The following GP2 variants were observed in gnomAD, a reference collection of about 807,000 sequenced individuals.
GP2 encodes pancreatic secretory granule membrane major glycoprotein GP2.
Under a neutral mutation model 60.8 loss-of-function variants are expected in GP2, and 58 were observed. That is an observed-to-expected ratio of 0.95 (90% CI 0.77 to 1.19). GP2 has a LOEUF of 1.19. Ranked by LOEUF, GP2 falls within the 50% of genes most tolerant of loss-of-function variation. The probability of loss-of-function intolerance (pLI) is 0.00; values close to 1 mark genes in which losing one functional copy is unlikely to be tolerated. For synonymous variants in GP2, 280 were observed against 253.4 expected (o/e 1.10, Z -1.00); for missense variants, 647 against 667.4 (o/e 0.97, Z 0.34).
At chr16:20,317,167 G>A (rs1265602749) in intron 8 of GP2, 46 bp downstream of exon 8, 1 of 1,074,114 alleles carries the variant, frequency 9.3e-7, no homozygotes, top group Non-Finnish European at 1.2e-6. Flanking sequence ...TCAGGTACCA[G>A]GCTCCATGCC....
rs1270691698 is a variant in GP2, at chr16:20,324,006, T to A, written c.345A>T (p.Thr115=). The A allele has an allele frequency of 1.2e-5, 19 of 1,614,172 alleles. No individual in the cohort carries two copies. The highest frequency in any genetic ancestry group is 1.4e-5 in the Non-Finnish European group (17 of 1,179,970). Residue 115 remains threonine, a synonymous_variant, in exon 3 of 11, where the codon ACA becomes ACT. Transcript: ENST00000302555. ...ETCVQVHRCQ[T]DAPMWLNGTH... The stretch of plus-strand genomic sequence containing the variant: ...TCCCATTCAGCCACATGGGAGCGTC[T>A]GTCTGGCATCGGTGCACCTGGACAC...
Position 20,320,474 on chromosome 16 carries a change from C to G in GP2, c.647-1G>C. The G allele has an allele frequency of 6.2e-7, 1 of 1,608,222 alleles. No individual in the cohort carries two copies. Among genetic ancestry groups the G allele is most frequent in the East Asian group, 2.2e-5 (1 of 44,824 alleles). ...AGCTGAGGCTGCAAACTGTGGACAT[C>G]TGCAAAGCAGAGATGAAGGCAAGTA... On this transcript the variant is annotated splice_acceptor_variant, in intron 4 of 10. Coordinates refer to ENST00000302555, the MANE Select transcript of GP2 (RefSeq NM_001502.4). LOFTEE classifies it high-confidence loss of function.
At chr16:20,320,173 G>C in intron 5 of GP2, 89 bp downstream of exon 5, 1 of 960,386 alleles carries the variant, frequency 1.0e-6, no homozygotes, top group South Asian at 1.4e-5. Context: ...GGGAAGCTAA[G>C]TGGCTTGTCC....
chr16:20,325,625 T>C (rs950608961), intron 2 of GP2, among the ~76,000 whole-genome samples: 25 of 152,202 alleles, frequency 1.6e-4, no homozygotes, highest in African/African-American at 6.0e-4. Context: ...TTCTATTTTG[T>C]TGAATGCTGT....
chr16:20,320,277 G>A lies in GP2; in HGVS notation c.843C>T (p.Cys281=). The A allele has an allele frequency of 6.2e-7, 1 of 1,612,630 alleles. No homozygotes were observed. Among genetic ancestry groups the A allele is most frequent in the Non-Finnish European group, 8.5e-7 (1 of 1,178,608 alleles). The part of the protein sequence containing the change: ...SVTSPVQASA[C]RNILERNQTH... ...AGCCACTTACCTCCAGAATGTTCCT[G>A]CAGGCACTAGCCTGGACGGGGCTGG... is the stretch of plus-strand genomic sequence containing the variant. The change falls in exon 5 of 11, where the codon TGC becomes TGT. Residue 281 remains cysteine (C), a synonymous_variant. Coordinates refer to ENST00000302555, the MANE Select transcript of GP2 (RefSeq NM_001502.4).
In GP2 at chr16:20,323,893, A is replaced by G. The variant is rs1359780178; in HGVS notation, c.458T>C (p.Leu153Pro). ...GNCCFWKTEV[L>P]VKACPGGYHV... ...GTACCCGCCTGGGCAGGCCTTCACCAGCACCTCTGTTTTCCAGAAACAGCA... is the reference window on the plus strand; with the variant it reads ...GTACCCGCCTGGGCAGGCCTTCACCGGCACCTCTGTTTTCCAGAAACAGCA... The change falls in exon 3 of 11, where the codon CTG (leucine) becomes CCG (proline). Residue 153 changes from leucine (L) to proline (P), a missense_variant. Leu to Pro is a moderately conservative substitution (Grantham distance 98). Transcript: ENST00000302555. 1.2e-6 allele frequency: 2 copies of G among 1,613,990 alleles called. No homozygotes were observed. Among genetic ancestry groups the G allele is most frequent in the Non-Finnish European group, 1.7e-6 (2 of 1,179,980 alleles).
chr16:20,321,056 T>C (rs1293429420), intron 4 of GP2, among the ~76,000 whole-genome samples: 2 of 151,544 alleles, frequency 1.3e-5, no homozygotes, highest in African/African-American at 4.8e-5. Flanking sequence ...TCTCTCTTTT[T>C]TTTTTTTTTT....
chr16:20,314,817 T>C (rs781033288), intron 9 of GP2, 116 bp from the exon 10 acceptor site: 3 of 779,116 alleles, frequency 3.9e-6, no homozygotes, highest in Non-Finnish European at 7.0e-6. Flanking sequence ...ACCAGCAAGT[T>C]TGTGGCCACA....
Position 20,326,462 on chromosome 16 carries a change from A to G in GP2, c.-31T>C, listed in dbSNP as rs1482667678. ...TCACTTTGCTGTATGCAGACTTCCC[A>G]TGCAGCTATGGGAAAGAAAAGACCA... is the stretch of plus-strand genomic sequence containing the variant. On this transcript the variant is annotated 5_prime_UTR_variant, in exon 2 of 11. It removes an upstream start codon present in the reference 5' UTR. Coordinates refer to ENST00000302555, the MANE Select transcript of GP2 (RefSeq NM_001502.4). 3.1e-6 allele frequency: 5 copies of G among 1,611,924 alleles called. No individual in the cohort carries two copies. The highest frequency in any genetic ancestry group is 4.2e-6 in the Non-Finnish European group (5 of 1,178,424).
intron 4 of GP2, among the ~76,000 whole-genome samples, chr16:20,322,278 C>T (rs773336711): frequency 2.0e-5 from 3 of 152,182 alleles, no homozygotes; most frequent in Admixed American, 6.5e-5. Flanking sequence ...GTGGGAGGCT[C>T]ATCCATCCCC....
At chr16:20,313,764 T>C (rs762937589) in intron 10 of GP2, among the ~76,000 whole-genome samples, 2 of 152,194 alleles carry the variant, frequency 1.3e-5, no homozygotes, top group African/African-American at 4.8e-5. Context: ...AGTGGAGATA[T>C]AAGGTGCCAG....
At chr16:20,320,165 G>A (rs958884409) in intron 5 of GP2, 97 bp downstream of exon 5, 6 of 878,030 alleles carry the variant, frequency 6.8e-6, no homozygotes, top group Non-Finnish European at 1.1e-5. Flanking sequence ...GGGGCTCAGG[G>A]AAGCTAAGTG....
rs1015373346 is a variant in GP2, at chr16:20,311,006, C to T, written c.*217G>A. On this transcript the variant is annotated 3_prime_UTR_variant, in exon 11 of 11. Transcript: ENST00000302555. Reference sequence around the variant, plus strand: ...TGCTGACCTCAGGTGATCCACCTGCCTCAGCCTCCCAAAATGCTGGGATTA... The same window carrying T: ...TGCTGACCTCAGGTGATCCACCTGCTTCAGCCTCCCAAAATGCTGGGATTA... 1 of 392,092 alleles carries T rather than the reference C, an allele frequency of 2.6e-6. No homozygotes were observed. The highest frequency in any genetic ancestry group is 4.8e-6 in the Non-Finnish European group (1 of 209,816). The allele number at this position is 392,092 out of a possible 1,614,324, so 24.3% of individuals were successfully genotyped here.
chr16:20,314,591 G>C (rs751805469), intron 10 of GP2, 66 bp downstream of exon 10: 1 of 1,107,650 alleles, frequency 9.0e-7, no homozygotes, highest in African/African-American at 1.5e-5. Context: ...GCCATAAAAG[G>C]GGCAGAATTG....
rs575623415 is a variant in GP2 at position 20,318,072 on chromosome 16, G to C, written c.1253+113C>G. 5,164 of 837,950 alleles carry C rather than the reference G, an allele frequency of 6.2e-3. 25 individuals carry two copies. Among genetic ancestry groups the C allele is most frequent in the Non-Finnish European group, 8.1e-3 (4,050 of 500,960 alleles). 51.9% of individuals were successfully genotyped at this position (837,950 alleles called of 1,614,324 possible). ...TCAGGAGTGATATTTCTGGGTCAAA[G>C]ATTGTGGTTATGATATGTAGTACAA... On this transcript the variant is annotated intron_variant, in intron 7 of 10. Transcript: ENST00000302555.
In GP2 at chr16:20,327,121, C is replaced by T. The variant is rs139879289; in HGVS notation, c.-37+346G>A. On this transcript the variant is annotated intron_variant, in intron 1 of 10. Transcript: ENST00000302555. ...GAAGACTTCAGTGGAAAATAGAGATCGGTTTCGGGCAGGGATACCATGAGT... is the reference window on the plus strand; with the variant it reads ...GAAGACTTCAGTGGAAAATAGAGATTGGTTTCGGGCAGGGATACCATGAGT... Among the ~76,000 whole-genome samples, 395 of 152,248 alleles carry T rather than the reference C, an allele frequency of 2.6e-3. 3 individuals carry two copies. The highest frequency in any genetic ancestry group is 9.2e-3 in the African/African-American group (383 of 41,530).
chr16:20,316,105 C>T, intron 8 of GP2, 65 bp from the exon 9 acceptor site: 1 of 1,002,734 alleles, frequency 1.0e-6, no homozygotes, highest in South Asian at 1.3e-5. Flanking sequence ...TAGACTGCTC[C>T]TACAATGGGC....
chr16:20,318,259 C>G lies in GP2; in HGVS notation c.1179G>C (p.Leu393=). The G allele has an allele frequency of 6.2e-7, 1 of 1,612,810 alleles. No individual in the cohort carries two copies. Among genetic ancestry groups the G allele is most frequent in the Middle Eastern group, 1.7e-4 (1 of 6,056 alleles). Residue 393 remains leucine (L), a synonymous_variant, in exon 7 of 11, where the codon CTG becomes CTC. Coordinates refer to ENST00000302555, the MANE Select transcript of GP2 (RefSeq NM_001502.4). ...GGGTGGCATAGCAGTTCCTCAACAC[C>G]AGGTTAAACCGGGAGGTGTCCCCTT... The part of the protein sequence containing the change: ...LEQGDTSRFN[L]VLRNCYATPT...
chr16:20,323,315 C>G, intron 3 of GP2: 1 of 714,138 alleles, frequency 1.4e-6, no homozygotes, highest in Non-Finnish European at 2.6e-6. Flanking sequence ...TGCTCCAGCT[C>G]TGTGATACTA....
Sources: gnomAD v4.1 joint callset for allele counts (sites outside exome capture counted in the v4.1 genomes callset) on GRCh38, gnomAD v4.1.1 for gene constraint, MANE v1.5 for transcripts, NCBI Gene and HGNC (gene_info 2026-07-23, HGNC 2026-07-21) for gene names.